The following SESTD1 variants were observed in gnomAD, a reference collection of about 807,000 sequenced individuals.
The protein encoded by SESTD1 is SEC14 and spectrin domain containing 1.
Under a neutral mutation model 101.7 loss-of-function variants are expected in SESTD1, and 43 were observed. That is an observed-to-expected ratio of 0.42 (90% CI 0.33 to 0.55). The LOEUF (loss-of-function observed/expected upper bound fraction) is 0.55. SESTD1 is among the 20% of genes least tolerant of loss of function. SESTD1 has a pLI of 0.07. For missense variants in SESTD1, 647 were observed against 815.1 expected, an observed-to-expected ratio of 0.79 and a Z score of 2.51; for synonymous variants, 283 against 286.8, an observed-to-expected ratio of 0.99 and a Z score of 0.13.
Position 179,149,345 on chromosome 2 carries a change from G to C in SESTD1, c.533C>G (p.Ala178Gly), listed in dbSNP as rs1019065333. 1 of 1,609,682 alleles carries C rather than the reference G, an allele frequency of 6.2e-7. No homozygotes were observed. Among genetic ancestry groups the C allele is most frequent in the East Asian group, 2.2e-5 (1 of 44,608 alleles). Residue 178 changes from alanine (A) to glycine (G), a missense_variant, in exon 7 of 18, where the codon GCT becomes GGT. By Grantham distance (60) the Ala-to-Gly change is moderately conservative (BLOSUM62 0). Transcript: ENST00000428443. ...TTTATCACTTCCATTGTTAATCAAA[G>C]CAAGTTCATCTAATAATGATGTAGA... ...KESTSLLDEL[A>G]LINNGSDKGN...
At chr2:179,116,907 A>G (rs542390742) in intron 14 of SESTD1, 117 bp from the exon 15 acceptor site, 7 of 1,318,402 alleles carry the variant, frequency 5.3e-6, no homozygotes, top group African/African-American at 4.5e-5. Flanking sequence ...ATTATAACCT[A>G]AAGTCTTAAA....
chr2:179,199,800 A>G (rs927216399), intron 1 of SESTD1, among the ~76,000 whole-genome samples: 44 of 152,224 alleles, frequency 2.9e-4, no homozygotes, highest in African/African-American at 9.6e-4. Flanking sequence ...TTGATGGGAC[A>G]TATTTCAAAA....
rs111964948 is a variant in SESTD1 at position 179,146,659 on chromosome 2, T to C, written c.582-202A>G. 1.6e-3 allele frequency among the ~76,000 whole-genome samples: 243 copies of C among 152,300 alleles called. 1 individual carries two copies. The highest frequency in any genetic ancestry group is 2.4e-3 in the Non-Finnish European group (166 of 68,008). ...ACTAGTAGCCAGAGAAATACCAACG[T>C]AATAAATCATAAAATAACTACTTGG... On this transcript the variant is annotated intron_variant, in intron 7 of 17. Coordinates refer to ENST00000428443, the MANE Select transcript of SESTD1 (RefSeq NM_178123.5).
intron 9 of SESTD1, among the ~76,000 whole-genome samples, chr2:179,141,711 A>G (rs1478471321): frequency 6.6e-6 from 1 of 151,950 alleles, no homozygotes; most frequent in Non-Finnish European, 1.5e-5. Flanking sequence ...CTTTTCCCCA[A>G]GGTCAAGCAG....
At chr2:179,185,330 T>C (rs2046192633) in intron 2 of SESTD1, among the ~76,000 whole-genome samples, 1 of 147,846 alleles carries the variant, frequency 6.8e-6, no homozygotes, top group African/African-American at 2.5e-5. Context: ...TAATATAGCA[T>C]ATATTAATAT....
chr2:179,121,783 G>T lies in SESTD1; in HGVS notation c.1429C>A (p.Leu477Ile). Residue 477 changes from leucine (L) to isoleucine (I), a missense_variant, in exon 13 of 18, where the codon CTT (leucine) becomes ATT (isoleucine). Physicochemically the swap from Leu to Ile is conservative, Grantham distance 5. Transcript: ENST00000428443. ...HIQGVMEDMQLRKQRCEDMVD... is the reference protein window; with the variant it reads ...HIQGVMEDMQIRKQRCEDMVD... ...GTCAAACTTTGCCTTTGTTTTCTAA[G>T]CTGCATATCTTCCATCACTCCTTGT... is the stretch of plus-strand genomic sequence containing the variant. The T allele has an allele frequency of 6.4e-7, 1 of 1,571,800 alleles. No homozygotes were observed. Among genetic ancestry groups the T allele is most frequent in the Non-Finnish European group, 8.6e-7 (1 of 1,163,564 alleles).
Position 179,185,660 on chromosome 2 carries a change from T to C in SESTD1, c.56-2472A>G, listed in dbSNP as rs1382523054. Among the ~76,000 whole-genome samples the C allele has an allele frequency of 1.1e-4, 8 of 75,358 alleles. No individual in the cohort carries two copies. The East Asian group carries it at 5.1e-3, about 48-fold the overall frequency. 49.4% of individuals were successfully genotyped at this position (75,358 alleles called of 152,430 possible). Reference sequence around the variant, plus strand: ...AGCATATTATATACAATATAGCATATACAATATATAATATAGCATATTATA... The same window carrying C: ...AGCATATTATATACAATATAGCATACACAATATATAATATAGCATATTATA... On this transcript the variant is annotated intron_variant, in intron 2 of 17. Coordinates refer to ENST00000428443, the MANE Select transcript of SESTD1 (RefSeq NM_178123.5).
At chr2:179,153,994 G>A (rs2045576941) in intron 5 of SESTD1, among the ~76,000 whole-genome samples, 3 of 150,696 alleles carry the variant, frequency 2.0e-5, no homozygotes, top group East Asian at 1.9e-4. Flanking sequence ...CTATAATCTC[G>A]GCACTTTGGG....
Position 179,112,794 on chromosome 2 carries a change from A to C in SESTD1, c.1891T>G (p.Phe631Val), listed in dbSNP as rs1455308410. 8 of 1,613,280 alleles carry C rather than the reference A, an allele frequency of 5.0e-6. No homozygotes were observed. The highest frequency in any genetic ancestry group is 6.8e-6 in the Non-Finnish European group (8 of 1,179,988). Residue 631 changes from phenylalanine (F) to valine (V), a missense_variant, in exon 17 of 18, where the codon TTT (phenylalanine) becomes GTT (valine). Transcript: ENST00000428443. ...TTCCCAACTGCTTCAATTTCATCAA[A>C]TTGCTCCTCATCATTAATAGCTTCA... ...EPEAINDEEQ[F>V]DEIEAVGKSL...
intron 1 of SESTD1, among the ~76,000 whole-genome samples, chr2:179,259,006 T>C (rs2047441052): frequency 1.3e-5 from 2 of 152,204 alleles, no homozygotes; most frequent in Admixed American, 6.5e-5. Context: ...GTATTCCCTG[T>C]ACATAGGGGC....
chr2:179,128,727 CAAAAAAAAAAA>C (rs747412908), intron 10 of SESTD1, among the ~76,000 whole-genome samples: 1 of 73,704 alleles, frequency 1.4e-5, no homozygotes, highest in Non-Finnish European at 2.7e-5. Flanking sequence ...GACACTGTCT[CAAAAAAAAAAA>C]AAAGAAAAGA....
chr2:179,228,484 G>C (rs2046924541), intron 1 of SESTD1, among the ~76,000 whole-genome samples: 1 of 152,132 alleles, frequency 6.6e-6, no homozygotes, highest in Non-Finnish European at 1.5e-5. Context: ...GGTGGGAATG[G>C]GGTCTGTCTT....
At chr2:179,255,681 A>G (rs561162614) in intron 1 of SESTD1, among the ~76,000 whole-genome samples, 26 of 152,384 alleles carry the variant, frequency 1.7e-4, no homozygotes, top group African/African-American at 6.3e-4. Context: ...TATCAAAAAA[A>G]TCTAGCTAAG....
chr2:179,204,630 A>G lies in SESTD1; in HGVS notation c.-25-12764T>C, dbSNP rs112916526. Among the ~76,000 whole-genome samples, 375 of 134,728 alleles carry G rather than the reference A, an allele frequency of 2.8e-3. 96 individuals are homozygous for G. Among genetic ancestry groups the G allele is most frequent in the African/African-American group, 1.0e-2 (341 of 34,158 alleles). 88.4% of individuals were successfully genotyped at this position (134,728 alleles called of 152,430 possible). On this transcript the variant is annotated intron_variant, in intron 1 of 17. Transcript: ENST00000428443. ...TGAGCTTAGCCAAAAAAACCTCTCTACTTATATTAATTTTGCCTCAGCTTC... is the reference window on the plus strand; with the variant it reads ...TGAGCTTAGCCAAAAAAACCTCTCTGCTTATATTAATTTTGCCTCAGCTTC...
At chr2:179,145,402 T>G (rs530491788) in intron 8 of SESTD1, among the ~76,000 whole-genome samples, 359 of 152,302 alleles carry the variant, frequency 2.4e-3, no homozygotes, top group Middle Eastern at 6.8e-3. Context: ...ATCTTAAAAT[T>G]GGAATGACAA....
intron 1 of SESTD1, among the ~76,000 whole-genome samples, chr2:179,215,031 A>T (rs1407898916): frequency 7.4e-6 from 1 of 135,308 alleles, no homozygotes; most frequent in African/African-American, 2.9e-5. Context: ...CCACAAGAGA[A>T]AGCAGGAAAG....
rs146556593 is a variant in SESTD1 at position 179,245,606 on chromosome 2, A to G, written c.-26+18893T>C. On this transcript the variant is annotated intron_variant, in intron 1 of 17. Transcript: ENST00000428443. The stretch of plus-strand genomic sequence containing the variant: ...ACTTAGGGGGAGCTGAGGTGGGAGG[A>G]TCACTCAAGCCCAGAGGCTGCAGTG... 2.0e-3 allele frequency among the ~76,000 whole-genome samples: 305 copies of G among 150,496 alleles called. 1 individual carries two copies. The highest frequency in any genetic ancestry group is 6.9e-3 in the African/African-American group (283 of 40,812).
chr2:179,221,795 G>A (rs1345947745), intron 1 of SESTD1, among the ~76,000 whole-genome samples: 1 of 151,618 alleles, frequency 6.6e-6, no homozygotes, highest in Non-Finnish European at 1.5e-5. Flanking sequence ...GTATGCACCT[G>A]TGTGGTCCCA....
chr2:179,129,017 T>C (rs1292846271), intron 10 of SESTD1, among the ~76,000 whole-genome samples: 4 of 152,218 alleles, frequency 2.6e-5, no homozygotes. Flanking sequence ...GATGGATATT[T>C]ATACTTTATA....
Sources: allele counts gnomAD v4.1 joint callset (sites outside exome capture counted in the v4.1 genomes callset), GRCh38; gene constraint gnomAD v4.1.1; transcripts MANE v1.5; gene names NCBI Gene and HGNC (gene_info 2026-07-23, HGNC 2026-07-21).